FGF14: variants seen among roughly 807,000 people sequenced by gnomAD.
FGF14 encodes the protein fibroblast growth factor 14.
Under a neutral mutation model 25.5 loss-of-function variants are expected in FGF14, and 5 were observed. The observed-to-expected ratio is 0.20, with a 90% CI of 0.10 to 0.41. The LOEUF is 0.41. FGF14 is among the 10% of genes least tolerant of loss of function. The probability of loss-of-function intolerance (pLI) is 1.00; values close to 1 mark genes in which losing one functional copy is unlikely to be tolerated. For missense variants in FGF14, 222 were observed against 320.1 expected, an observed-to-expected ratio of 0.69 and a Z score of 2.34; for synonymous variants, 138 against 118.3, an observed-to-expected ratio of 1.17 and a Z score of -1.08.
intron 3 of FGF14, among the ~76,000 whole-genome samples, chr13:101,856,739 C>A (rs1318364619): frequency 5.9e-5 from 9 of 151,966 alleles, no homozygotes; most frequent in Non-Finnish European, 1.3e-4. Context: ...CTATACAACT[C>A]TCAAAGGTAA....
chr13:102,036,969 C>T (rs1350651968), intron 1 of FGF14, among the ~76,000 whole-genome samples: 1 of 152,112 alleles, frequency 6.6e-6, no homozygotes, highest in Non-Finnish European at 1.5e-5. Context: ...GAGCAAAATA[C>T]ACAGGGAGCA....
At chr13:102,015,816 G>T (rs1050898023) in intron 1 of FGF14, among the ~76,000 whole-genome samples, 3 of 152,070 alleles carry the variant, frequency 2.0e-5, no homozygotes, top group Non-Finnish European at 4.4e-5. Context: ...TCGACTTAAA[G>T]ACACAATATG....
chr13:102,262,565 AG>A (rs1450015210), intron 1 of FGF14, among the ~76,000 whole-genome samples: 1 of 152,084 alleles, frequency 6.6e-6, no homozygotes, highest in African/African-American at 2.4e-5. Flanking sequence ...TAGATTTTTA[AG>A]TGTAAATGTA....
Position 101,911,613 on chromosome 13 carries a change from T to C in FGF14, c.193+4840A>G, listed in dbSNP as rs151142396. ...ATGAATGCCTTTTTTGTCTCTAACA[T>C]TATTTCATTGACCAATCTGGTAATA... On this transcript the variant is annotated intron_variant, in intron 1 of 4. Transcript: ENST00000376143. Among the ~76,000 whole-genome samples, 718 of 152,254 alleles carry C rather than the reference T, an allele frequency of 4.7e-3. 8 individuals are homozygous for C. Among genetic ancestry groups the C allele is most frequent in the African/African-American group, 0.016 (684 of 41,580 alleles).
In FGF14 at chr13:102,336,374, C is replaced by G. The variant is rs142333345; in HGVS notation, c.208+65097G>C. On this transcript the variant is annotated intron_variant, in intron 1 of 4. Transcript: ENST00000376131. ...CATTCCCGTAAGCCAAAGCCTAATCCAGGGCAAGGTCCTAACTCTCTTCAG... is the reference window on the plus strand; with the variant it reads ...CATTCCCGTAAGCCAAAGCCTAATCGAGGGCAAGGTCCTAACTCTCTTCAG... Among the ~76,000 whole-genome samples the G allele has an allele frequency of 1.0e-3, 153 of 152,262 alleles. 2 individuals carry two copies. Among genetic ancestry groups the G allele is most frequent in the African/African-American group, 3.3e-3 (136 of 41,550 alleles).
intron 3 of FGF14, among the ~76,000 whole-genome samples, chr13:101,807,407 AT>A (rs1461158203): frequency 6.6e-6 from 1 of 152,102 alleles, no homozygotes; most frequent in South Asian, 2.1e-4. Flanking sequence ...GTTTCCTGGA[AT>A]TGGATGAAGA....
rs1042481051 is a variant in FGF14 at position 102,280,424 on chromosome 13, A to G, written c.208+121047T>C. 2.0e-5 allele frequency among the ~76,000 whole-genome samples: 3 copies of G among 152,222 alleles called. No individual in the cohort carries two copies. In the East Asian group the frequency reaches 5.8e-4, roughly 29 times the overall value. Reference sequence around the variant, plus strand: ...ACAACCAACTGATGCTGACTGCTCCATGAGATGCTCATAGAATCTGGAGGG... The same window carrying G: ...ACAACCAACTGATGCTGACTGCTCCGTGAGATGCTCATAGAATCTGGAGGG... On this transcript the variant is annotated intron_variant, in intron 1 of 4. Transcript: ENST00000376131.
At chr13:102,011,107 A>C (rs1013664080) in intron 1 of FGF14, among the ~76,000 whole-genome samples, 4 of 152,176 alleles carry the variant, frequency 2.6e-5, no homozygotes, top group Non-Finnish European at 4.4e-5. Flanking sequence ...AGATTTTGAA[A>C]ACTTGAAGAC....
At chr13:101,746,576 G>C (rs1303492383) in intron 3 of FGF14, among the ~76,000 whole-genome samples, 1 of 151,990 alleles carries the variant, frequency 6.6e-6, no homozygotes, top group Non-Finnish European at 1.5e-5. Flanking sequence ...TAGGTAAGTA[G>C]ATGAAGCTAC....
At chr13:102,285,087 T>C (rs985494422) in intron 1 of FGF14, among the ~76,000 whole-genome samples, 1 of 152,164 alleles carries the variant, frequency 6.6e-6, no homozygotes, top group East Asian at 1.9e-4. Context: ...TATTTATTCA[T>C]TTAGAAATTG....
chr13:102,266,116 T>C lies in FGF14; in HGVS notation c.208+135355A>G, dbSNP rs146906723. Among the ~76,000 whole-genome samples the C allele has an allele frequency of 9.2e-3, 1,396 of 152,288 alleles. 18 individuals are homozygous for C. Among genetic ancestry groups the C allele is most frequent in the African/African-American group, 0.032 (1,331 of 41,564 alleles). On this transcript the variant is annotated intron_variant, in intron 1 of 4. Coordinates refer to the FGF14 transcript ENST00000376131. Reference sequence around the variant, plus strand: ...CTAGATCTTAACCAAGACGCAGATTTCTTAAAAGTAACTGGTAAATTCAAA... The same window carrying C: ...CTAGATCTTAACCAAGACGCAGATTCCTTAAAAGTAACTGGTAAATTCAAA...
intron 3 of FGF14, among the ~76,000 whole-genome samples, chr13:101,789,846 TCAGA>T (rs67559660): frequency 0.87 from 132,266 of 151,270 alleles, 59,212 homozygotes; most frequent in East Asian, 1. Context: ...CTATTATGCC[TCAGA>T]CAATTTTCAG....
chr13:102,117,966 G>A (rs530952267), intron 1 of FGF14, among the ~76,000 whole-genome samples: 15 of 151,982 alleles, frequency 9.9e-5, no homozygotes, highest in Admixed American at 2.0e-4. Flanking sequence ...TTTCAATTTT[G>A]AGCCATGTAG....
At chr13:102,037,530 T>G (rs978194174) in intron 1 of FGF14, among the ~76,000 whole-genome samples, 2 of 152,124 alleles carry the variant, frequency 1.3e-5, no homozygotes, top group African/African-American at 4.8e-5. Flanking sequence ...TATATCCATA[T>G]TCCTAACATA....
intron 1 of FGF14, among the ~76,000 whole-genome samples, chr13:102,252,632 C>A (rs2052236302): frequency 6.6e-6 from 1 of 151,526 alleles, no homozygotes; most frequent in Non-Finnish European, 1.5e-5. Flanking sequence ...TCCATTGTTT[C>A]TTATATGTAT....
intron 1 of FGF14, among the ~76,000 whole-genome samples, chr13:102,343,039 G>A (rs946244381): frequency 2.0e-5 from 3 of 152,078 alleles, no homozygotes; most frequent in African/African-American, 7.2e-5. Context: ...AAACTTCCAC[G>A]AAGGATACAG....
At chr13:101,835,589 G>A (rs947719428) in intron 3 of FGF14, among the ~76,000 whole-genome samples, 3 of 151,950 alleles carry the variant, frequency 2.0e-5, no homozygotes, top group Non-Finnish European at 2.9e-5. Context: ...TAGGCACAGC[G>A]TGGTCCCAAG....
chr13:102,005,515 T>C lies in FGF14; in HGVS notation c.209-130219A>G, dbSNP rs952884102. Among the ~76,000 whole-genome samples the C allele has an allele frequency of 2.6e-5, 4 of 152,314 alleles. No homozygotes were observed. The East Asian group carries it at 5.8e-4, about 22-fold the overall frequency. ...ATGCTATGTATGTTTTTCTGACTGA[T>C]GTTAGAAGTTTCTCTGATTTTTAAA... On this transcript the variant is annotated intron_variant, in intron 1 of 4. Coordinates refer to the FGF14 transcript ENST00000376131.
chr13:101,927,496 T>C (rs1221552304), intron 1 of FGF14, among the ~76,000 whole-genome samples: 2 of 152,200 alleles, frequency 1.3e-5, no homozygotes, highest in African/African-American at 4.8e-5. Flanking sequence ...CAGATTCATT[T>C]ATGTCATGGG....
Sources: allele counts gnomAD v4.1 joint callset (sites outside exome capture counted in the v4.1 genomes callset), GRCh38; gene constraint gnomAD v4.1.1; transcripts MANE v1.5; gene names NCBI Gene and HGNC (gene_info 2026-07-23, HGNC 2026-07-21).